Variants in ZNF346 observed in about 807,000 individuals in gnomAD.
The protein encoded by ZNF346 is double-stranded RNA-binding zinc finger protein JAZ.
A neutral mutation model predicts 33.7 loss-of-function variants in ZNF346; 23 were observed. The observed-to-expected ratio is 0.68, with a 90% CI of 0.49 to 0.97. ZNF346 has a LOEUF of 0.97. Among genes scored for constraint, ZNF346 ranks in the 50% least tolerant of loss-of-function variants. The probability of loss-of-function intolerance (pLI) is 0.00; values close to 1 mark genes in which losing one functional copy is unlikely to be tolerated. For missense variants in ZNF346, 340 were observed against 371.1 expected (o/e 0.92, Z 0.69); for synonymous variants, 134 against 142.4 (o/e 0.94, Z 0.42).
In ZNF346 at chr5:177,032,148, A is replaced by G. The variant is rs978256709; in HGVS notation, c.176-8978A>G. On this transcript the variant is annotated intron_variant, in intron 1 of 6. Transcript: ENST00000358149. ...CTCCCGAGTAACTGGGATTATAGGT[A>G]TGCGCCACCACACCTGGCTAATTTT... is the stretch of plus-strand genomic sequence containing the variant. Among the ~76,000 whole-genome samples, 8 of 150,874 alleles carry G rather than the reference A, an allele frequency of 5.3e-5. No individual in the cohort carries two copies. In the South Asian group the frequency reaches 1.7e-3, roughly 32 times the overall value.
At chr5:177,060,677 A>G (rs141343105) in intron 5 of ZNF346, among the ~76,000 whole-genome samples, 1,810 of 152,270 alleles carry the variant, frequency 0.012, 11 homozygotes, top group South Asian at 0.025. Context: ...GCATGGTGGC[A>G]CGCACCAGTA....
At chr5:177,031,780 T>G (rs1259788325) in intron 1 of ZNF346, among the ~76,000 whole-genome samples, 1 of 152,154 alleles carries the variant, frequency 6.6e-6, no homozygotes, top group Admixed American at 6.6e-5. Context: ...CTTTGTTCAT[T>G]ATTCTTCAAT....
At chr5:177,033,088 C>T (rs1484718288) in intron 1 of ZNF346, among the ~76,000 whole-genome samples, 1 of 151,966 alleles carries the variant, frequency 6.6e-6, no homozygotes, top group African/African-American at 2.4e-5. Flanking sequence ...GGGGTTTTTG[C>T]TTTTGAGATG....
intron 5 of ZNF346, among the ~76,000 whole-genome samples, chr5:177,060,563 C>T (rs1374829545): frequency 6.6e-6 from 1 of 151,858 alleles, no homozygotes; most frequent in Non-Finnish European, 1.5e-5. Context: ...AATCCCAGCA[C>T]TTTGGGAGGA....
At chr5:177,074,296 G>A (rs560055518) in intron 8 of ZNF346, among the ~76,000 whole-genome samples, 58 of 152,296 alleles carry the variant, frequency 3.8e-4, no homozygotes, top group African/African-American at 1.3e-3. Flanking sequence ...TATGTAGTCC[G>A]GGTGGGGAAG....
Position 177,041,909 on chromosome 5 carries a change from T to G in ZNF346, c.372+39T>G, listed in dbSNP as rs565444830. The G allele has an allele frequency of 3.6e-5, 51 of 1,403,916 alleles. 1 individual carries two copies. In the South Asian group the frequency reaches 4.7e-4, roughly 13 times the overall value. 87.0% of individuals were successfully genotyped at this position (1,403,916 alleles called of 1,614,324 possible). Reference sequence around the variant, plus strand: ...CATATTGAGCCCACTTGCTTCATGATGAAGCCAGCCAGCAGGTTGGTGTGG... The same window carrying G: ...CATATTGAGCCCACTTGCTTCATGAGGAAGCCAGCCAGCAGGTTGGTGTGG... On this transcript the variant is annotated intron_variant, in intron 3 of 6. Coordinates refer to ENST00000358149, the MANE Select transcript of ZNF346 (RefSeq NM_012279.4).
downstream of ZNF346, among the ~76,000 whole-genome samples, chr5:177,072,079 T>A (rs1783535609): frequency 6.6e-6 from 1 of 152,184 alleles, no homozygotes; most frequent in Non-Finnish European, 1.5e-5. Context: ...ACTGTTTGAT[T>A]TAATGGGAAG....
At chr5:177,048,801 T>C (rs1038230649) in intron 4 of ZNF346, among the ~76,000 whole-genome samples, 1 of 151,378 alleles carries the variant, frequency 6.6e-6, no homozygotes, top group South Asian at 2.1e-4. Context: ...TTTTTTTTTT[T>C]TGAGACAGAA....
Position 177,044,472 on chromosome 5 carries a change from C to T in ZNF346, c.456C>T (p.His152=). 1 of 1,614,070 alleles carries T rather than the reference C, an allele frequency of 6.2e-7. No individual in the cohort carries two copies. The highest frequency in any genetic ancestry group is 8.5e-7 in the Non-Finnish European group (1 of 1,180,010). The change falls in exon 4 of 7, where the codon CAC becomes CAT. Residue 152 remains histidine (H), a synonymous_variant. Transcript: ENST00000358149. The stretch of plus-strand genomic sequence containing the variant: ...CCTCCCCTGTCGTGGCCCAGTCGCA[C>T]TACCTGGGGAAGACCCACGCAAAGA... The part of the protein sequence containing the change: ...TFSSPVVAQS[H]YLGKTHAKNL...
intron 4 of ZNF346, among the ~76,000 whole-genome samples, chr5:177,045,648 G>A (rs1779931460): frequency 1.3e-5 from 2 of 151,846 alleles, no homozygotes; most frequent in African/African-American, 2.4e-5. Flanking sequence ...AAGCCACCAC[G>A]CCGGCCAAAA....
chr5:177,064,559 G>A lies in ZNF346; in HGVS notation c.845G>A (p.Arg282Lys), dbSNP rs773678537. Residue 282 changes from arginine to lysine, a missense_variant, in exon 7 of 7, where the codon AGG becomes AAG. By Grantham distance (26) the Arg-to-Lys change is conservative. Coordinates refer to ENST00000358149, the MANE Select transcript of ZNF346 (RefSeq NM_012279.4). The stretch of plus-strand genomic sequence containing the variant: ...TCCCTGGGCCAGATTCCAATGCAAA[G>A]GCAACCCATTCAGAAAGACTCAACC... ...ASSLGQIPMQ[R>K]QPIQKDSTTL... The A allele has an allele frequency of 2.5e-6, 4 of 1,614,124 alleles. No homozygotes were observed. The South Asian group carries it at 4.4e-5, about 18-fold the overall frequency.
chr5:177,060,583 G>A (rs1046968641), intron 5 of ZNF346, among the ~76,000 whole-genome samples: 6 of 151,278 alleles, frequency 4.0e-5, no homozygotes, highest in Admixed American at 1.3e-4. Flanking sequence ...AGACCAAGGC[G>A]GGCAGATCAC....
In ZNF346 at chr5:177,056,070, C is replaced by T. The variant is rs186141549; in HGVS notation, c.703+5134C>T. Among the ~76,000 whole-genome samples the T allele has an allele frequency of 8.9e-4, 117 of 131,844 alleles. 3 individuals are homozygous for T. In the East Asian group the frequency reaches 0.021, roughly 24 times the overall value. The allele number at this position is 131,844 out of a possible 152,430, so 86.5% of individuals were successfully genotyped here. On this transcript the variant is annotated intron_variant, in intron 5 of 6. Transcript: ENST00000358149. Reference sequence around the variant, plus strand: ...CAGCCTGGGCAAAAAAGCCAGACTCCGTCTCAAAAAAAAAAAAAAAAAAAG... The same window carrying T: ...CAGCCTGGGCAAAAAAGCCAGACTCTGTCTCAAAAAAAAAAAAAAAAAAAG...
At chr5:177,047,030 TTTTATTTA>T (rs140329566) in intron 4 of ZNF346, among the ~76,000 whole-genome samples, 62 of 147,864 alleles carry the variant, frequency 4.2e-4, no homozygotes, top group South Asian at 8.4e-4. Context: ...TTTTATTTAT[TTTTATTTA>T]TTTATTTATT....
chr5:177,037,615 GA>G (rs1778682741), intron 1 of ZNF346, among the ~76,000 whole-genome samples: 1 of 152,082 alleles, frequency 6.6e-6, no homozygotes, highest in Admixed American at 6.6e-5. Flanking sequence ...CCTATTGCCG[GA>G]ACATAATTCC....
At chr5:177,055,984 A>G (rs374485) in intron 5 of ZNF346, among the ~76,000 whole-genome samples, 87,285 of 151,178 alleles carry the variant, frequency 0.58, 26,903 homozygotes, top group African/African-American at 0.81. Context: ...GCTGAGGCAC[A>G]AGAATCACTT....
intron 5 of ZNF346, among the ~76,000 whole-genome samples, chr5:177,055,236 G>T (rs1196362003): frequency 1.3e-5 from 2 of 151,890 alleles, no homozygotes; most frequent in Admixed American, 6.6e-5. Context: ...GTTTCATCAT[G>T]TTGGCCAGGC....
intron 1 of ZNF346, among the ~76,000 whole-genome samples, chr5:177,028,494 TTTTATATATATATATA>T (rs1561963196): frequency 4.3e-5 from 2 of 46,010 alleles, no homozygotes; most frequent in African/African-American, 1.2e-4. Context: ...ACTTGTGACG[TTTTATATATATATATA>T]TATATATATA....
intron 6 of ZNF346, among the ~76,000 whole-genome samples, chr5:177,063,031 A>G (rs1782730700): frequency 6.6e-6 from 1 of 151,994 alleles, no homozygotes; most frequent in Non-Finnish European, 1.5e-5. Context: ...TCCGAAGGGA[A>G]ACGTGTGGTA....
Sources: allele counts gnomAD v4.1 joint callset (sites outside exome capture counted in the v4.1 genomes callset), GRCh38; gene constraint gnomAD v4.1.1; transcripts MANE v1.5; gene names NCBI Gene and HGNC (gene_info 2026-07-23, HGNC 2026-07-21).